The following LRMDA variants were observed in gnomAD, a reference collection of about 807,000 sequenced individuals.
LRMDA encodes leucine rich melanocyte differentiation associated, also known as leucine-rich melanocyte differentiation-associated protein.
Under a neutral mutation model 29.8 loss-of-function variants are expected in LRMDA, and 18 were observed. That is an observed-to-expected ratio of 0.60 (90% CI 0.42 to 0.90). The LOEUF is 0.90. Ranked by LOEUF, LRMDA falls within the 40% of genes least tolerant of loss-of-function variation. The probability of loss-of-function intolerance (pLI) is 0.00; values close to 1 mark genes in which losing one functional copy is unlikely to be tolerated. For missense variants in LRMDA, 273 were observed against 273.9 expected (o/e 1.00, Z 0.02); for synonymous variants, 125 against 109.4 (o/e 1.14, Z -0.89).
intron 2 of LRMDA, among the ~76,000 whole-genome samples, chr10:76,027,922 T>C (rs778614767): frequency 1.3e-5 from 2 of 152,216 alleles, no homozygotes; most frequent in Non-Finnish European, 2.9e-5. Flanking sequence ...GAGCTTTATT[T>C]AATCATTCTT....
At chr10:75,528,996 G>C (rs1845446040) in intron 2 of LRMDA, among the ~76,000 whole-genome samples, 1 of 152,130 alleles carries the variant, frequency 6.6e-6, no homozygotes, top group Admixed American at 6.5e-5. Flanking sequence ...AGAAGGCAAA[G>C]ATATGGAAAT....
chr10:75,661,992 C>T (rs188070437), intron 2 of LRMDA, among the ~76,000 whole-genome samples: 5 of 152,274 alleles, frequency 3.3e-5, no homozygotes, highest in African/African-American at 1.2e-4. Context: ...CCTGTACTTT[C>T]AGCCTCCTAA....
At chr10:75,713,080 GC>G (rs1006749966) in intron 2 of LRMDA, among the ~76,000 whole-genome samples, 5 of 152,158 alleles carry the variant, frequency 3.3e-5, no homozygotes, top group African/African-American at 1.2e-4. Context: ...CTTCTTTTGT[GC>G]AGGAAAAAGT....
At chr10:75,451,485 T>G (rs572359998) in intron 2 of LRMDA, 1 of 152,326 alleles carries the variant, frequency 6.6e-6, no homozygotes, top group African/African-American at 2.4e-5. Context: ...GTAATTAACA[T>G]AATTGTAGTC....
At chr10:75,468,283 G>T (rs1844683260) in intron 2 of LRMDA, among the ~76,000 whole-genome samples, 1 of 151,856 alleles carries the variant, frequency 6.6e-6, no homozygotes, top group South Asian at 2.1e-4. Flanking sequence ...CTTTTTTTGG[G>T]GTGCGGGGCG....
At chr10:75,984,007 C>T (rs1025510834) in intron 2 of LRMDA, among the ~76,000 whole-genome samples, 3 of 152,146 alleles carry the variant, frequency 2.0e-5, no homozygotes, top group African/African-American at 7.2e-5. Flanking sequence ...CAATGCTGCT[C>T]CCCATGCAGG....
chr10:75,615,490 T>C (rs1841087422), intron 2 of LRMDA, among the ~76,000 whole-genome samples: 1 of 152,182 alleles, frequency 6.6e-6, no homozygotes, highest in Non-Finnish European at 1.5e-5. Context: ...ATTTCAGATT[T>C]GGGTTTTTCA....
intron 2 of LRMDA, among the ~76,000 whole-genome samples, chr10:75,544,990 T>G (rs577259671): frequency 4.0e-4 from 61 of 152,214 alleles, no homozygotes; most frequent in Non-Finnish European, 7.2e-4. Context: ...TTTATTCTTT[T>G]GTCTTTATTA....
At chr10:76,487,614 T>C (rs921212598) in intron 6 of LRMDA, among the ~76,000 whole-genome samples, 8 of 151,878 alleles carry the variant, frequency 5.3e-5, no homozygotes, top group Admixed American at 5.3e-4. Context: ...TTTGAGACTC[T>C]GTTTAAGGTA....
chr10:76,204,147 T>TTCCATGTGCCCATCCACCCATCTC lies in LRMDA; in HGVS notation c.517-120239_517-120216dup, dbSNP rs1416831771. 5.7e-5 allele frequency among the ~76,000 whole-genome samples: 8 copies of TTCCATGTGCCCATCCACCCATCTC among 139,432 alleles called. No homozygotes were observed. In the East Asian group the frequency reaches 1.9e-3, roughly 32 times the overall value. The allele number at this position is 139,432 out of a possible 152,430, so 91.5% of individuals were successfully genotyped here. On this transcript the variant is annotated intron_variant, in intron 5 of 6. Coordinates refer to ENST00000611255, the MANE Select transcript of LRMDA (RefSeq NM_001305581.2). Reference sequence around the variant, plus strand: ...CCATGTGCCCGTCCACCCATCTCTATTCCATGTGCCCATCCACCCATCTCT... The same window carrying TTCCATGTGCCCATCCACCCATCTC: ...CCATGTGCCCGTCCACCCATCTCTATTCCATGTGCCCATCCACCCATCTCTCCATGTGCCCATCCACCCATCTCT...
chr10:76,329,099 T>C (rs1840872317), intron 6 of LRMDA, among the ~76,000 whole-genome samples: 1 of 152,226 alleles, frequency 6.6e-6, no homozygotes, highest in African/African-American at 2.4e-5. Context: ...CTGTTATCCA[T>C]GCGTTGCCCT....
At chr10:75,663,782 T>C (rs936045986) in intron 2 of LRMDA, among the ~76,000 whole-genome samples, 12 of 152,200 alleles carry the variant, frequency 7.9e-5, no homozygotes, top group Admixed American at 5.9e-4. Flanking sequence ...ATTCCCTATG[T>C]AGATCTAACT....
At chr10:76,071,227 A>T (rs1369452267) in intron 5 of LRMDA, among the ~76,000 whole-genome samples, 1 of 152,194 alleles carries the variant, frequency 6.6e-6, no homozygotes, top group Non-Finnish European at 1.5e-5. Context: ...GAAATTTGGG[A>T]GCTTGTTACA....
intron 2 of LRMDA, among the ~76,000 whole-genome samples, chr10:75,652,347 G>A (rs1021632838): frequency 2.6e-5 from 4 of 152,242 alleles, no homozygotes; most frequent in African/African-American, 9.6e-5. Context: ...GGATGGGGAT[G>A]TGTAGCCATT....
chr10:75,501,782 C>A (rs955417176), intron 2 of LRMDA, among the ~76,000 whole-genome samples: 1 of 152,154 alleles, frequency 6.6e-6, no homozygotes, highest in Non-Finnish European at 1.5e-5. Context: ...AAACTGCTCC[C>A]AGGTCTTAGT....
chr10:75,461,525 G>A, intron 2 of LRMDA, among the ~76,000 whole-genome samples: 1 of 152,142 alleles, frequency 6.6e-6, no homozygotes, highest in East Asian at 1.9e-4. Flanking sequence ...GGGGTAGCCT[G>A]TCCTGAATCC....
chr10:76,416,759 C>T (rs1424784582), intron 6 of LRMDA, among the ~76,000 whole-genome samples: 1 of 152,180 alleles, frequency 6.6e-6, no homozygotes, highest in Non-Finnish European at 1.5e-5. Context: ...GGCTGCATAT[C>T]TGTTTCTCCT....
chr10:76,230,566 A>AC (rs1262275914), intron 5 of LRMDA, among the ~76,000 whole-genome samples: 3 of 151,700 alleles, frequency 2.0e-5, no homozygotes, highest in Admixed American at 6.6e-5. Context: ...AAAAAAAAAA[A>AC]AACCCCAAAA....
chr10:75,927,704 G>A (rs1370662231), intron 2 of LRMDA, among the ~76,000 whole-genome samples: 1 of 152,230 alleles, frequency 6.6e-6, no homozygotes, highest in Non-Finnish European at 1.5e-5. Flanking sequence ...GAAAGGTTAA[G>A]TTACTTGCCC....
Sources: gnomAD v4.1 joint callset for allele counts (sites outside exome capture counted in the v4.1 genomes callset) on GRCh38, gnomAD v4.1.1 for gene constraint, MANE v1.5 for transcripts, NCBI Gene and HGNC (gene_info 2026-07-23, HGNC 2026-07-21) for gene names.